The following OBSL1 variants were observed in gnomAD, a reference collection of about 807,000 sequenced individuals.
The protein encoded by OBSL1 is obscurin-like protein 1.
OBSL1 carries 160 observed loss-of-function variants against 172.0 expected under a neutral mutation model. The ratio of observed to expected loss-of-function variants is 0.93; its 90% CI spans 0.82 to 1.06. The LOEUF is 1.06. Among genes scored for constraint, OBSL1 ranks in the 50% least tolerant of loss-of-function variants. The probability of loss-of-function intolerance (pLI) is 0.00; values close to 1 mark genes in which losing one functional copy is unlikely to be tolerated. For synonymous variants in OBSL1, 1,200 were observed against 1,196.3 expected (o/e 1.00, Z -0.06); for missense variants, 2,681 against 2,715.4 (o/e 0.99, Z 0.28).
rs776873731 is a variant in OBSL1 at position 219,568,076 on chromosome 2, C to CG, written c.1260dup (p.Val421ArgfsTer44). On this transcript the variant is annotated frameshift_variant, in exon 2 of 21. Transcript: ENST00000404537. LOFTEE classifies it high-confidence loss of function. The surrounding 1 kb of genome is among the most constrained non-coding windows in gnomAD (Gnocchi z 4.1). ...TGACCTTTGACTGTGACGTTGGCCA[C>CG]GGTGCGCACCCGGCCCCGCATCTCG... The CG allele has an allele frequency of 1.9e-6, 3 of 1,609,928 alleles. No individual in the cohort carries two copies. The South Asian group carries it at 3.3e-5, about 18-fold the overall frequency.
intron 20 of OBSL1, 128 bp from the exon 21 acceptor site, chr2:219,550,970 C>T: frequency 1.3e-6 from 2 of 1,534,170 alleles, no homozygotes; most frequent in South Asian, 2.4e-5. Context: ...CTTTCTGGGC[C>T]TTGGTTAGGG....
Position 219,558,334 on chromosome 2 carries a change from C to T in OBSL1, c.3352G>A (p.Gly1118Arg), listed in dbSNP as rs756496507. ...GCATCTGATGCCTCCACTTCCAGCC[C>T]GTCCTTGTACCAGCGCACCTGAGAC... is the stretch of plus-strand genomic sequence containing the variant. ...AGSQVRWYKD[G>R]LEVEASDALQ... is the part of the protein sequence containing the mutation. Residue 1118 changes from glycine (G) to arginine (R), a missense_variant, in exon 10 of 21, where the codon GGG (glycine) becomes AGG (arginine). This residue lies in a region of OBSL1 where 1,765 missense variants were observed against 1,748.3 expected (regional missense o/e 1.01). Transcript: ENST00000404537. 12 of 1,612,524 alleles carry T rather than the reference C, an allele frequency of 7.4e-6. No individual in the cohort carries two copies. Among genetic ancestry groups the T allele is most frequent in the African/African-American group, 4.0e-5 (3 of 74,930 alleles).
At chr2:219,557,651 G>T in intron 11 of OBSL1, 33 bp from the exon 12 acceptor site, 1 of 1,512,380 alleles carries the variant, frequency 6.6e-7, no homozygotes. Flanking sequence ...CACTGGGAGG[G>T]AGAGGCTCAG....
rs1559147645 is a variant in OBSL1, at chr2:219,563,346, GCCC to G, written c.2680+6_2680+8del. 8 of 1,553,092 alleles carry G rather than the reference GCCC, an allele frequency of 5.2e-6. No homozygotes were observed. Among genetic ancestry groups the G allele is most frequent in the Admixed American group, 1.8e-5 (1 of 55,156 alleles). ...CCCCTGTGCCTCCGAGGCCCACCTG[GCCC>G]CCCACCTGTGATGGTGACAGTGAAG... On this transcript the variant is annotated splice_donor_region_variant and intron_variant, in intron 7 of 20. Coordinates refer to ENST00000404537, the MANE Select transcript of OBSL1 (RefSeq NM_015311.3).
rs776407576 is a variant in OBSL1 at position 219,555,625 on chromosome 2, A to G, written c.4609+395T>C. On this transcript the variant is annotated intron_variant, in intron 14 of 20. Transcript: ENST00000404537. ...ACTTGGCTCAAAGAGGTTAACTTGCATGAGGTCACATAGGAAACAGAGGGC... is the reference window on the plus strand; with the variant it reads ...ACTTGGCTCAAAGAGGTTAACTTGCGTGAGGTCACATAGGAAACAGAGGGC... 3.9e-6 allele frequency: 4 copies of G among 1,025,946 alleles called. No homozygotes were observed. The African/African-American group carries it at 6.8e-5, about 18-fold the overall frequency. 63.6% of individuals were successfully genotyped at this position (1,025,946 alleles called of 1,614,324 possible).
Position 219,570,226 on chromosome 2 carries a change from A to G in OBSL1, c.1007T>C (p.Val336Ala). 5 of 1,554,750 alleles carry G rather than the reference A, an allele frequency of 3.2e-6. No individual in the cohort carries two copies. The South Asian group carries it at 4.9e-5, about 15-fold the overall frequency. ...GQTLSAVQLH[V>A]KEPRLRFTRP... is the part of the protein sequence containing the mutation. ...GGTCCCGGGCTCCGCCGTACCTTTC[A>G]CGTGCAGCTGCACGGCACTGAGCGT... Residue 336 changes from valine (V) to alanine (A), a missense_variant, in exon 1 of 21, where the codon GTG becomes GCG. Around this residue, in one of 5 missense-constraint regions of OBSL1, gnomAD observed 706 missense variants for 695.8 expected, o/e 1.01. Coordinates refer to ENST00000404537, the MANE Select transcript of OBSL1 (RefSeq NM_015311.3).
At position 219,553,612 on chromosome 2, in the gene OBSL1, C is replaced by T. The variant is rs140825693; in HGVS notation, c.4951G>A (p.Glu1651Lys). The change falls in exon 16 of 21, where the codon GAG becomes AAG. Residue 1651 changes from glutamate to lysine, a missense_variant. By Grantham distance (56) the Glu-to-Lys change is moderately conservative. This residue lies in a region of OBSL1 where 1,765 missense variants were observed against 1,748.3 expected (regional missense o/e 1.01). Coordinates refer to ENST00000404537, the MANE Select transcript of OBSL1 (RefSeq NM_015311.3). ...TEGDTATFEC[E>K]LSQALADVTW... is the part of the protein sequence containing the mutation. The stretch of plus-strand genomic sequence containing the variant: ...ACATCAGCCAAAGCTTGGGAAAGCT[C>T]GCACTCGAACGTAGCTGTGTCGCCC... The T allele has an allele frequency of 5.0e-6, 8 of 1,613,740 alleles. No individual in the cohort carries two copies. Among genetic ancestry groups the T allele is most frequent in the African/African-American group, 4.0e-5 (3 of 74,906 alleles).
Position 219,568,400 on chromosome 2 carries a change from A to G in OBSL1, c.1013-76T>C, listed in dbSNP as rs1267878851. 7.3e-7 allele frequency: 1 copy of G among 1,370,762 alleles called. No individual in the cohort carries two copies. The highest frequency in any genetic ancestry group is 2.5e-5 in the East Asian group (1 of 40,434). 84.9% of individuals were successfully genotyped at this position (1,370,762 alleles called of 1,614,324 possible). A position where few individuals can be genotyped will look rare whatever the true frequency, so the allele number is the denominator to read the frequency against. ...CTAGGAGTAGGATACCTAGAAGCGC[A>G]TTAGCTCATGCTGTGTGCTCTTCAT... On this transcript the variant is annotated intron_variant, in intron 1 of 20. Transcript: ENST00000404537. This position sits in a 1 kb window ranked among gnomAD's most constrained non-coding sequence, Gnocchi z 4.1.
chr2:219,553,801 G>C (rs1162562225), intron 15 of OBSL1, 115 bp from the exon 16 acceptor site: 7 of 641,484 alleles, frequency 1.1e-5, no homozygotes, highest in Non-Finnish European at 1.9e-5. Flanking sequence ...TAGCGAGTGG[G>C]GTTCGAGCTG....
chr2:219,570,958 T>C lies in OBSL1; in HGVS notation c.275A>G (p.Glu92Gly). The change falls in exon 1 of 21, where the codon GAG (glutamate) becomes GGG (glycine). Residue 92 changes from glutamate to glycine, a missense_variant. By Grantham distance (98) the Glu-to-Gly change is moderately conservative. Coordinates refer to ENST00000404537, the MANE Select transcript of OBSL1 (RefSeq NM_015311.3). The part of the protein sequence containing the change: ...YVCRARNAAG[E>G]AYAAAAVTVL... ...GGTGACGGCGGCCGCCGCGTAGGCC[T>C]CGCCGGCCGCGTTGCGGGCGCGGCA... The C allele has an allele frequency of 7.8e-7, 1 of 1,281,148 alleles. No individual in the cohort carries two copies. Among genetic ancestry groups the C allele is most frequent in the Non-Finnish European group, 9.8e-7 (1 of 1,021,630 alleles). 79.4% of individuals were successfully genotyped at this position (1,281,148 alleles called of 1,614,324 possible).
chr2:219,552,377 C>T (rs911997202), intron 18 of OBSL1, 159 bp downstream of exon 18: 10 of 867,492 alleles, frequency 1.2e-5, no homozygotes, highest in Non-Finnish European at 1.8e-5. Flanking sequence ...AGGTCCGGGA[C>T]TAGGGGCTGG....
rs142650279 is a variant in OBSL1 at position 219,565,411 on chromosome 2, C to G, written c.2238G>C (p.Pro746=). ...TCTGCCCATCCTTGTACCAGGTTGC[C>G]GGGAAGTCCACCCTTGAGAGCTCAC... is the stretch of plus-strand genomic sequence containing the variant. ...LTCELSRVDF[P]ATWYKDGQKV... Residue 746 remains proline (P), a synonymous_variant, in exon 6 of 21, where the codon CCG becomes CCC. Transcript: ENST00000404537. The G allele has an allele frequency of 6.2e-7, 1 of 1,613,842 alleles. No individual in the cohort carries two copies. Among genetic ancestry groups the G allele is most frequent in the Non-Finnish European group, 8.5e-7 (1 of 1,179,898 alleles).
chr2:219,557,702 C>T lies in OBSL1; in HGVS notation c.3791-84G>A. On this transcript the variant is annotated intron_variant, in intron 11 of 20. Transcript: ENST00000404537. The stretch of plus-strand genomic sequence containing the variant: ...ACGGGGAGGCATGACGGGGAAGGTA[C>T]TGAGAGAAGTGGGGCCAGGGATGGG... 6 of 1,521,850 alleles carry T rather than the reference C, an allele frequency of 3.9e-6. No individual in the cohort carries two copies. The South Asian group carries it at 7.7e-5, about 19-fold the overall frequency. 94.3% of individuals were successfully genotyped at this position (1,521,850 alleles called of 1,614,324 possible).
chr2:219,556,883 C>G, intron 12 of OBSL1, 160 bp from the exon 13 acceptor site: 2 of 754,678 alleles, frequency 2.7e-6, no homozygotes, highest in Non-Finnish European at 4.2e-6. Flanking sequence ...GGACAAGATG[C>G]CAGCTCCCTG....
At chr2:219,562,341 C>T (rs1300808858) in intron 8 of OBSL1, 61 bp downstream of exon 8, 8 of 1,576,834 alleles carry the variant, frequency 5.1e-6, no homozygotes, top group Non-Finnish European at 6.9e-6. Context: ...GGCTATGTGG[C>T]CAGCTCCTCC....
intron 19 of OBSL1, 111 bp from the exon 20 acceptor site, chr2:219,551,909 C>T (rs1695638473): frequency 2.3e-6 from 2 of 858,810 alleles, no homozygotes; most frequent in Non-Finnish European, 3.7e-6. Flanking sequence ...CCCTCTATGC[C>T]ACCAGTCCGT....
In OBSL1 at chr2:219,556,269, G is replaced by A. The variant is rs759651225; in HGVS notation, c.4360C>T (p.Arg1454Trp). ...VRETELLFLR[R>W]LQDVRAEEGQ... is the part of the protein sequence containing the mutation. ...TCCTCTGCCCGCACATCCTGCAACC[G>A]CCGTAGGAACAGCAGCTCTGTCTCT... is the stretch of plus-strand genomic sequence containing the variant. The change falls in exon 14 of 21, where the codon CGG (arginine) becomes TGG (tryptophan). Residue 1454 changes from arginine to tryptophan, a missense_variant. Transcript: ENST00000404537. 19 of 1,589,748 alleles carry A rather than the reference G, an allele frequency of 1.2e-5. No individual in the cohort carries two copies. Among genetic ancestry groups the A allele is most frequent in the South Asian group, 5.7e-5 (5 of 88,146 alleles).
Position 219,567,745 on chromosome 2 carries a change from G to A in OBSL1, c.1507C>T (p.Arg503Cys), listed in dbSNP as rs371083557. 9 of 1,612,964 alleles carry A rather than the reference G, an allele frequency of 5.6e-6. No homozygotes were observed. The highest frequency in any genetic ancestry group is 4.0e-5 in the African/African-American group (3 of 74,890). The change falls in exon 3 of 21, where the codon CGT becomes TGT. Residue 503 changes from arginine to cysteine, a missense_variant. By Grantham distance (180) the Arg-to-Cys change is radical. Around this residue, in one of 5 missense-constraint regions of OBSL1, gnomAD observed 706 missense variants for 695.8 expected, o/e 1.01. Transcript: ENST00000404537. ...GEVTFSLGNS[R>C]TTTLLRVKCV... ...TTTACTCTGAGAAGCGTAGTGGTAC[G>A]GGAGTTGCCCAGGCTAAAGGTGACC...
intron 15 of OBSL1, 126 bp downstream of exon 15, chr2:219,554,348 T>A (rs1036712524): frequency 8.7e-7 from 1 of 1,153,102 alleles, no homozygotes; most frequent in Non-Finnish European, 1.3e-6. Flanking sequence ...GGCAGGGATG[T>A]CAATGAGGGC....
Sources: allele counts gnomAD v4.1 joint callset, GRCh38; gene constraint gnomAD v4.1.1; regional missense constraint gnomAD v4.1.1; non-coding constraint Gnocchi (gnomAD v3.1); transcripts MANE v1.5; gene names NCBI Gene and HGNC (gene_info 2026-07-23, HGNC 2026-07-21).